PTPRE: variants seen among roughly 807,000 people sequenced by gnomAD.
PTPRE encodes receptor-type tyrosine-protein phosphatase epsilon.
PTPRE carries 51 observed loss-of-function variants against 102.0 expected under a neutral mutation model. That is an observed-to-expected ratio of 0.50 (90% CI 0.40 to 0.63). The LOEUF is 0.63. Ranked by LOEUF, PTPRE falls within the 30% of genes least tolerant of loss-of-function variation. The pLI, the probability that PTPRE is intolerant of heterozygous loss-of-function variation, is 0.00. For missense variants in PTPRE, 752 were observed against 915.1 expected (o/e 0.82, Z 2.30); for synonymous variants, 345 against 348.2 (o/e 0.99, Z 0.10).
chr10:127,959,094 C>T (rs924497707), intron 1 of PTPRE, among the ~76,000 whole-genome samples: 2 of 152,158 alleles, frequency 1.3e-5, no homozygotes, highest in African/African-American at 2.4e-5. Flanking sequence ...TGGTGTTTCT[C>T]CATGTTGGTC....
At position 128,069,776 on chromosome 10, in the gene PTPRE, T is replaced by G; in HGVS notation, c.1092T>G (p.Phe364Leu). ...MMHAEQKVDV[F>L]EFVSRIRNQR... ...ACGCGGAGCAGAAGGTGGATGTGTTTGAATTTGTGTCTCGAATCCGTAATC... is the reference window on the plus strand; with the variant it reads ...ACGCGGAGCAGAAGGTGGATGTGTTGGAATTTGTGTCTCGAATCCGTAATC... Residue 364 changes from phenylalanine (F) to leucine (L), a missense_variant, in exon 13 of 21, where the codon TTT (phenylalanine) becomes TTG (leucine). This residue lies in a region of PTPRE where 636 missense variants were observed against 824.4 expected (regional missense o/e 0.77). Coordinates refer to ENST00000254667, the MANE Select transcript of PTPRE (RefSeq NM_006504.6). 1 of 1,614,196 alleles carries G rather than the reference T, an allele frequency of 6.2e-7. No homozygotes were observed. Among genetic ancestry groups the G allele is most frequent in the Non-Finnish European group, 8.5e-7 (1 of 1,180,034 alleles).
intron 20 of PTPRE, among the ~76,000 whole-genome samples, chr10:128,080,553 C>A (rs1851615092): frequency 6.6e-6 from 1 of 152,236 alleles, no homozygotes; most frequent in Non-Finnish European, 1.5e-5. Context: ...TACAGAGCTT[C>A]CCCTAGTCTT....
At chr10:127,993,822 T>C (rs1589940355) in intron 2 of PTPRE, among the ~76,000 whole-genome samples, 1 of 151,792 alleles carries the variant, frequency 6.6e-6, no homozygotes, top group Non-Finnish European at 1.5e-5. Context: ...TAATGTCACA[T>C]TCCCCCAGGC....
At position 128,061,016 on chromosome 10, in the gene PTPRE, G is replaced by A. The variant is rs1181903941; in HGVS notation, c.588+1G>A. The stretch of plus-strand genomic sequence containing the variant: ...CTACATCAATGCTTCCTACATAGAT[G>A]TAAGTGGGCAGAGGTTTCTTGTTCC... On this transcript the variant is annotated splice_donor_variant, in intron 8 of 20. Coordinates refer to ENST00000254667, the MANE Select transcript of PTPRE (RefSeq NM_006504.6). LOFTEE classifies it high-confidence loss of function. 1 of 1,613,866 alleles carries A rather than the reference G, an allele frequency of 6.2e-7. No individual in the cohort carries two copies. Among genetic ancestry groups the A allele is most frequent in the Non-Finnish European group, 8.5e-7 (1 of 1,179,854 alleles).
At chr10:128,065,966 C>T (rs1341627986) in intron 10 of PTPRE, 109 bp from the exon 11 acceptor site, 1 of 1,496,106 alleles carries the variant, frequency 6.7e-7, no homozygotes, top group Non-Finnish European at 9.3e-7. Flanking sequence ...GCTGTGGGAG[C>T]TGTGTGACTC....
chr10:128,077,965 G>A (rs1455051139), intron 19 of PTPRE, among the ~76,000 whole-genome samples, 182 bp downstream of exon 19: 5 of 152,202 alleles, frequency 3.3e-5, no homozygotes, highest in Non-Finnish European at 5.9e-5. Context: ...ACATGTCATC[G>A]TATCATACAT....
chr10:127,916,089 T>G (rs1846187269), intron 1 of PTPRE, among the ~76,000 whole-genome samples: 1 of 151,504 alleles, frequency 6.6e-6, no homozygotes, highest in South Asian at 2.1e-4. Context: ...GTGTTAAATG[T>G]GATGCTGGAT....
intron 11 of PTPRE, among the ~76,000 whole-genome samples, chr10:128,067,502 CCACACATACATGCG>C (rs1850355839): frequency 6.7e-6 from 1 of 149,318 alleles, no homozygotes; most frequent in Non-Finnish European, 1.5e-5. Context: ...ACACATTCAC[CCACACATACATGCG>C]CACACATGCA....
chr10:127,942,257 G>T (rs1199564557), intron 1 of PTPRE, among the ~76,000 whole-genome samples: 1 of 152,148 alleles, frequency 6.6e-6, no homozygotes, highest in African/African-American at 2.4e-5. Flanking sequence ...GCAAACTGAG[G>T]CTCTAATCAC....
intron 2 of PTPRE, among the ~76,000 whole-genome samples, chr10:128,019,895 C>T (rs1468614345): frequency 6.6e-6 from 1 of 152,208 alleles, no homozygotes; most frequent in Non-Finnish European, 1.5e-5. Flanking sequence ...CCTGGCTTTG[C>T]CCAAGCCCAG....
chr10:128,049,402 C>A (rs577643815), intron 5 of PTPRE, 128 bp from the exon 6 acceptor site: 3 of 1,215,182 alleles, frequency 2.5e-6, no homozygotes, highest in Admixed American at 2.1e-5. Flanking sequence ...CCCAGCTATG[C>A]GATTTGAGAG....
At chr10:127,911,335 A>G (rs1179160351) in intron 1 of PTPRE, among the ~76,000 whole-genome samples, 2 of 152,226 alleles carry the variant, frequency 1.3e-5, no homozygotes, top group Non-Finnish European at 2.9e-5. Context: ...GACTCCAGTG[A>G]TCGATGAGGC....
intron 1 of PTPRE, among the ~76,000 whole-genome samples, chr10:127,938,941 C>T (rs1709427324): frequency 1.3e-5 from 2 of 152,114 alleles, no homozygotes; most frequent in South Asian, 2.1e-4. Context: ...TTCGCTGAAG[C>T]AGGGCACTCT....
chr10:128,026,263 T>C (rs1455833875), intron 2 of PTPRE, among the ~76,000 whole-genome samples: 2 of 152,238 alleles, frequency 1.3e-5, no homozygotes, highest in Non-Finnish European at 1.5e-5. Flanking sequence ...CTCATCCATC[T>C]GTGTTCCAAG....
intron 1 of PTPRE, among the ~76,000 whole-genome samples, chr10:127,935,351 G>A (rs559745710): frequency 6.6e-6 from 1 of 152,290 alleles, no homozygotes; most frequent in South Asian, 2.1e-4. Context: ...CTCTAGCGCT[G>A]GTGGGCGTGT....
At chr10:127,983,619 C>T (rs1203480621) in intron 2 of PTPRE, among the ~76,000 whole-genome samples, 1 of 152,174 alleles carries the variant, frequency 6.6e-6, no homozygotes, top group African/African-American at 2.4e-5. Flanking sequence ...AATGTGCCTA[C>T]CGTGCTAGAA....
At chr10:127,976,645 A>T (rs1190948030) in intron 1 of PTPRE, among the ~76,000 whole-genome samples, 1 of 152,150 alleles carries the variant, frequency 6.6e-6, no homozygotes, top group Non-Finnish European at 1.5e-5. Flanking sequence ...TGTTTTAAAG[A>T]TTTCATCTCC....
chr10:128,029,239 C>G lies in PTPRE; in HGVS notation c.-7-11636C>G, dbSNP rs369407866. 5.3e-4 allele frequency among the ~76,000 whole-genome samples: 80 copies of G among 152,308 alleles called. 2 individuals are homozygous for G. In the South Asian group the frequency reaches 0.017, roughly 32 times the overall value. ...AAGAATCCTCTCAACTGGCTGCAGGCTCCTAGTTCTTGGTGACTTAGTGGA... is the reference window on the plus strand; with the variant it reads ...AAGAATCCTCTCAACTGGCTGCAGGGTCCTAGTTCTTGGTGACTTAGTGGA... On this transcript the variant is annotated intron_variant, in intron 2 of 20. Transcript: ENST00000254667.
At chr10:128,067,768 C>A (rs768582090) in intron 11 of PTPRE, among the ~76,000 whole-genome samples, 8 of 152,328 alleles carry the variant, frequency 5.3e-5, no homozygotes, top group Middle Eastern at 6.8e-3. Flanking sequence ...TTACTCAGCA[C>A]CACCGGCCTG....
Sources: gnomAD v4.1 joint callset for allele counts (sites outside exome capture counted in the v4.1 genomes callset) on GRCh38, gnomAD v4.1.1 for gene constraint, gnomAD v4.1.1 regional missense constraint, MANE v1.5 for transcripts, NCBI Gene and HGNC (gene_info 2026-07-23, HGNC 2026-07-21) for gene names.